Variants in WDR48 observed in about 807,000 individuals in gnomAD.
WDR48 encodes the protein WD repeat-containing protein 48.
WDR48 carries 22 observed loss-of-function variants against 94.0 expected under a neutral mutation model. The ratio of observed to expected loss-of-function variants is 0.23; its 90% confidence interval spans 0.17 to 0.33. The LOEUF (loss-of-function observed/expected upper bound fraction) is 0.33. Among genes scored for constraint, WDR48 ranks in the 10% least tolerant of loss-of-function variants. The pLI is 1.00. For synonymous variants in WDR48, 278 were observed against 280.5 expected (o/e 0.99, Z 0.09); for missense variants, 541 against 813.8 (o/e 0.66, Z 4.08).
Position 39,079,903 on chromosome 3 carries a change from T to C in WDR48, c.1173+95T>C, listed in dbSNP as rs2034430373. ...TGTGATAAGATAATATAAATTAAGA[T>C]GTAATTGCAGTAATACTTTATGGGG... On this transcript the variant is annotated intron_variant, in intron 11 of 18. Coordinates refer to ENST00000302313, the MANE Select transcript of WDR48 (RefSeq NM_020839.4). 9.4e-6 allele frequency: 6 copies of C among 635,112 alleles called. No homozygotes were observed. The East Asian group carries it at 2.0e-4, about 22-fold the overall frequency. The allele number at this position is 635,112 out of a possible 1,614,324, so 39.3% of individuals were successfully genotyped here.
intron 14 of WDR48, among the ~76,000 whole-genome samples, chr3:39,087,309 T>C (rs1397716233): frequency 6.6e-6 from 1 of 152,214 alleles, no homozygotes; most frequent in East Asian, 1.9e-4. Flanking sequence ...GGGAGGCCTC[T>C]AATATTTGTT....
chr3:39,082,221 G>C (rs1471704876), intron 11 of WDR48, among the ~76,000 whole-genome samples: 1 of 152,096 alleles, frequency 6.6e-6, no homozygotes. Flanking sequence ...GGGAACAAGG[G>C]GGATGGAAAA....
At chr3:39,068,259 T>C (rs9875814) in intron 5 of WDR48, among the ~76,000 whole-genome samples, 10,277 of 152,222 alleles carry the variant, frequency 0.068, 1,113 homozygotes, top group African/African-American at 0.23. Flanking sequence ...CATATACATC[T>C]TTTTTACTTC....
At chr3:39,065,918 C>T (rs371181463) in intron 3 of WDR48, 29 bp downstream of exon 3, 86 of 1,516,110 alleles carry the variant, frequency 5.7e-5, no homozygotes, top group Non-Finnish European at 7.0e-5. Flanking sequence ...TATTATTGGG[C>T]TTCTGATATA....
At chr3:39,065,983 C>T in intron 3 of WDR48, 94 bp downstream of exon 3, 1 of 865,920 alleles carries the variant, frequency 1.2e-6, no homozygotes, top group South Asian at 2.2e-5. Context: ...GAAAAGTACA[C>T]ACACTTCGAG....
intron 7 of WDR48, 43 bp downstream of exon 7, chr3:39,069,787 A>G (rs1263685507): frequency 1.3e-6 from 2 of 1,544,948 alleles, no homozygotes; most frequent in South Asian, 2.3e-5. Flanking sequence ...ACCTTGTTAG[A>G]AATTTCCGCA....
chr3:39,068,440 G>T lies in WDR48; in HGVS notation c.482-331G>T, dbSNP rs1439697595. Among the ~76,000 whole-genome samples the T allele has an allele frequency of 2.0e-5, 3 of 151,916 alleles. No homozygotes were observed. In the East Asian group the frequency reaches 5.8e-4, roughly 29 times the overall value. On this transcript the variant is annotated intron_variant, in intron 5 of 18. Transcript: ENST00000302313. ...TCTTGGTGTATGAAACAGTGTTTTT[G>T]GTTTGATTTGTGTTTGAAAAATACT...
intron 1 of WDR48, among the ~76,000 whole-genome samples, chr3:39,061,283 T>C (rs1026058736): frequency 1.4e-5 from 2 of 148,018 alleles, no homozygotes; most frequent in African/African-American, 5.0e-5. Context: ...CAGTGTGTGA[T>C]GTTCCCTGCC....
intron 1 of WDR48, among the ~76,000 whole-genome samples, chr3:39,053,462 C>A (rs1282303602): frequency 6.6e-6 from 1 of 152,092 alleles, no homozygotes; most frequent in Non-Finnish European, 1.5e-5. Context: ...CTAAACTCAC[C>A]CTATTAGGTG....
At chr3:39,084,820 T>G in intron 13 of WDR48, 79 bp downstream of exon 13, 1 of 1,257,716 alleles carries the variant, frequency 8.0e-7, no homozygotes, top group African/African-American at 1.5e-5. Context: ...TAAGTACTTA[T>G]CTTTGTAAAA....
In WDR48 at chr3:39,066,649, C is replaced by T. The variant is rs377615818; in HGVS notation, c.351+19C>T. ...ACATAAGGTAAAACAATACAGTTCT[C>T]AGTGTCTTTAGTGTAATATTGGGAT... On this transcript the variant is annotated intron_variant, in intron 4 of 18. Transcript: ENST00000302313. 8.1e-6 allele frequency: 13 copies of T among 1,613,230 alleles called. No homozygotes were observed. Among genetic ancestry groups the T allele is most frequent in the Non-Finnish European group, 1.0e-5 (12 of 1,179,532 alleles).
chr3:39,060,062 G>T (rs2033155030), intron 1 of WDR48, among the ~76,000 whole-genome samples: 1 of 152,070 alleles, frequency 6.6e-6, no homozygotes. Context: ...CATTCAGAAG[G>T]TTTAAGAAAA....
chr3:39,060,419 C>CATATATATATAT (rs200990149), intron 1 of WDR48, among the ~76,000 whole-genome samples: 5 of 147,772 alleles, frequency 3.4e-5, no homozygotes, highest in African/African-American at 7.4e-5. Flanking sequence ...TGTGTGTGTG[C>CATATATATATAT]ATATATATAT....
intron 7 of WDR48, among the ~76,000 whole-genome samples, chr3:39,072,074 C>G (rs2033969345): frequency 6.6e-6 from 1 of 152,194 alleles, no homozygotes; most frequent in African/African-American, 2.4e-5. Flanking sequence ...CTTTGTAAAT[C>G]AGGAATTGGC....
At chr3:39,064,424 G>A (rs1973807) in intron 2 of WDR48, among the ~76,000 whole-genome samples, 10,731 of 151,946 alleles carry the variant, frequency 0.071, 821 homozygotes, top group African/African-American at 0.19. Context: ...ACAGGCACAC[G>A]CCACCACATC....
intron 11 of WDR48, among the ~76,000 whole-genome samples, chr3:39,080,856 T>C (rs2034499137): frequency 6.6e-6 from 1 of 152,158 alleles, no homozygotes; most frequent in Admixed American, 6.5e-5. Flanking sequence ...TGTGCTTATT[T>C]GGGGCAAGGT....
intron 2 of WDR48, among the ~76,000 whole-genome samples, chr3:39,064,892 A>C (rs1275933102): frequency 6.6e-6 from 1 of 152,250 alleles, no homozygotes; most frequent in Non-Finnish European, 1.5e-5. Context: ...TTTGGTACTT[A>C]TAATTGAATT....
intron 1 of WDR48, among the ~76,000 whole-genome samples, chr3:39,057,373 T>G (rs1384260933): frequency 6.6e-6 from 1 of 152,218 alleles, no homozygotes; most frequent in Non-Finnish European, 1.5e-5. Context: ...TGCAATTAGT[T>G]ACCTTTAGGG....
intron 15 of WDR48, 30 bp downstream of exon 15, chr3:39,088,263 C>T (rs773348048): frequency 1.2e-6 from 2 of 1,602,026 alleles, no homozygotes; most frequent in African/African-American, 2.7e-5. Context: ...GAGGTTCTGC[C>T]TGAGAAGGTA....
Sources: allele counts gnomAD v4.1 joint callset (sites outside exome capture counted in the v4.1 genomes callset), GRCh38; gene constraint gnomAD v4.1.1; transcripts MANE v1.5; gene names NCBI Gene and HGNC (gene_info 2026-07-23, HGNC 2026-07-21).